TMEM181: variants seen among roughly 807,000 people sequenced by gnomAD.
TMEM181 encodes the protein transmembrane protein 181, also known as G protein-coupled receptor 178.
In TMEM181, 39 loss-of-function variants were observed where a neutral mutation model predicts 71.9. The observed-to-expected ratio is 0.54, with a 90% CI of 0.42 to 0.71. The LOEUF (loss-of-function observed/expected upper bound fraction) is 0.71, where lower values mean the gene tolerates loss of function less well. Among genes scored for constraint, TMEM181 ranks in the 30% least tolerant of loss-of-function variants. The pLI is 0.00. For missense variants in TMEM181, 595 were observed against 583.0 expected (o/e 1.02, Z -0.21); for synonymous variants, 245 against 228.8 (o/e 1.07, Z -0.64).
At chr6:158,617,170 TG>T (rs1178529934) in intron 10 of TMEM181, among the ~76,000 whole-genome samples, 2 of 152,226 alleles carry the variant, frequency 1.3e-5, no homozygotes, top group Non-Finnish European at 2.9e-5. Context: ...AGCCTGTTAT[TG>T]GTCTATTAAG....
chr6:158,611,983 C>CA (rs1562307861), intron 10 of TMEM181, among the ~76,000 whole-genome samples: 4 of 145,952 alleles, frequency 2.7e-5, no homozygotes, highest in East Asian at 3.4e-4. Flanking sequence ...GATACCCCCC[C>CA]CACCTCCTAG....
chr6:158,569,344 CCACCCTCT>C (rs1475887375), intron 1 of TMEM181, among the ~76,000 whole-genome samples: 1 of 152,216 alleles, frequency 6.6e-6, no homozygotes, highest in African/African-American at 2.4e-5. Context: ...GGCCTGGCGC[CCACCCTCT>C]CACCCACGAG....
At chr6:158,540,951 G>A (rs1008961217) in intron 1 of TMEM181, among the ~76,000 whole-genome samples, 5 of 152,072 alleles carry the variant, frequency 3.3e-5, no homozygotes, top group African/African-American at 1.2e-4. Flanking sequence ...GAATTTTTTC[G>A]TAGAGACGAG....
intron 2 of TMEM181, 23 bp downstream of exon 2, chr6:158,573,546 T>C: frequency 6.4e-7 from 1 of 1,569,818 alleles, no homozygotes. Context: ...TTTTACTCAT[T>C]GAATCTTTTG....
intron 1 of TMEM181, among the ~76,000 whole-genome samples, chr6:158,539,576 G>A (rs1781262182): frequency 6.6e-6 from 1 of 152,196 alleles, no homozygotes; most frequent in Non-Finnish European, 1.5e-5. Context: ...ATAACAGGGC[G>A]AAGCAAAGAA....
chr6:158,615,545 A>C (rs1186208016), intron 10 of TMEM181, among the ~76,000 whole-genome samples: 1 of 152,198 alleles, frequency 6.6e-6, no homozygotes. Flanking sequence ...TGTTTTAGTC[A>C]TGAAGTCCTT....
At position 158,628,435 on chromosome 6, in the gene TMEM181, G is replaced by A. The variant is rs2128331542; in HGVS notation, c.1137G>A (p.Gly379=). 6.2e-7 allele frequency: 1 copy of A among 1,614,160 alleles called. No homozygotes were observed. Among genetic ancestry groups the A allele is most frequent in the Non-Finnish European group, 8.5e-7 (1 of 1,180,024 alleles). ...ISIAILYLRF[G]AQVLQDNFVA... Reference sequence around the variant, plus strand: ...TCGCCATCCTTTATTTGAGATTTGGGGCGCAAGTACTACAAGACAATTTTG... The same window carrying A: ...TCGCCATCCTTTATTTGAGATTTGGAGCGCAAGTACTACAAGACAATTTTG... The change falls in exon 14 of 17, where the codon GGG becomes GGA. Residue 379 remains glycine, a synonymous_variant. Transcript: ENST00000684151.
intron 2 of TMEM181, among the ~76,000 whole-genome samples, chr6:158,573,750 G>A (rs1186535727): frequency 6.6e-6 from 1 of 152,242 alleles, no homozygotes. Context: ...GCCATGCCCT[G>A]TGCAGCAGCC....
At chr6:158,631,529 TTC>T in intron 16 of TMEM181, 140 bp downstream of exon 16, 1 of 986,524 alleles carries the variant, frequency 1.0e-6, no homozygotes, top group African/African-American at 1.6e-5. Flanking sequence ...GCTCGTGGTT[TTC>T]TGTTTTCACA....
chr6:158,584,850 ATC>A (rs1281966705), intron 4 of TMEM181, among the ~76,000 whole-genome samples: 3 of 152,232 alleles, frequency 2.0e-5, no homozygotes, highest in African/African-American at 7.2e-5. Flanking sequence ...AATTACGATT[ATC>A]TCTAGGTGAA....
intron 1 of TMEM181, among the ~76,000 whole-genome samples, chr6:158,548,375 A>C (rs1010455297): frequency 3.9e-5 from 6 of 152,130 alleles, no homozygotes; most frequent in Admixed American, 1.3e-4. Context: ...ACATTCTTTA[A>C]ATGTTGAGAT....
chr6:158,579,112 A>G (rs1783325219), intron 2 of TMEM181, among the ~76,000 whole-genome samples: 1 of 151,998 alleles, frequency 6.6e-6, no homozygotes, highest in South Asian at 2.1e-4. Flanking sequence ...TACAAAAATT[A>G]GCGAGGTGTG....
rs544323901 is a variant in TMEM181, at chr6:158,541,137, C to T, written c.131+4272C>T. On this transcript the variant is annotated intron_variant, in intron 1 of 16. Coordinates refer to the TMEM181 transcript ENST00000367090. ...GTGAGTGAAATATCTTGGAGCAGGC[C>T]GGGTGTGGTGGCTCATGCCTGTAAT... is the stretch of plus-strand genomic sequence containing the variant. 5.9e-5 allele frequency among the ~76,000 whole-genome samples: 9 copies of T among 151,798 alleles called. No homozygotes were observed. The East Asian group carries it at 1.4e-3, about 23-fold the overall frequency.
intron 3 of TMEM181, 47 bp downstream of exon 3, chr6:158,581,042 A>T: frequency 6.5e-7 from 1 of 1,541,036 alleles, no homozygotes; most frequent in South Asian, 1.1e-5. Context: ...TGCATTATAA[A>T]CCTCAGGTCA....
At chr6:158,589,519 T>A (rs1783980285) in intron 5 of TMEM181, 153 bp from the exon 6 acceptor site, 2 of 616,496 alleles carry the variant, frequency 3.2e-6, no homozygotes, top group Admixed American at 2.7e-5. Context: ...GAACTGTGTT[T>A]GGCTGGCATC....
intron 6 of TMEM181, among the ~76,000 whole-genome samples, chr6:158,592,735 C>T (rs1436339239): frequency 3.9e-5 from 6 of 152,082 alleles, no homozygotes; most frequent in Non-Finnish European, 8.8e-5. Context: ...ATCGGCCTAG[C>T]TGAGACCCCC....
At chr6:158,611,016 C>G (rs1785272540) in intron 10 of TMEM181, 1 of 450,546 alleles carries the variant, frequency 2.2e-6, no homozygotes, top group South Asian at 1.9e-5. Context: ...CACCACCTCC[C>G]TATCTTTATG....
chr6:158,612,792 A>C (rs566283285), intron 10 of TMEM181, among the ~76,000 whole-genome samples: 23 of 152,358 alleles, frequency 1.5e-4, no homozygotes, highest in Admixed American at 1.5e-3. Flanking sequence ...ATTAAGCAAA[A>C]TGCTACGGTA....
chr6:158,585,990 A>G (rs1049507452), intron 5 of TMEM181, among the ~76,000 whole-genome samples: 1 of 152,150 alleles, frequency 6.6e-6, no homozygotes, highest in Non-Finnish European at 1.5e-5. Flanking sequence ...AGGGCTGACT[A>G]ATTTTCCATG....
Sources: gnomAD v4.1 joint callset for allele counts (sites outside exome capture counted in the v4.1 genomes callset) on GRCh38, gnomAD v4.1.1 for gene constraint, MANE v1.5 for transcripts, NCBI Gene and HGNC (gene_info 2026-07-23, HGNC 2026-07-21) for gene names.